Variants in SGCZ observed in about 807,000 individuals in gnomAD.
SGCZ encodes the protein sarcoglycan zeta.
In SGCZ, 40 loss-of-function variants were observed where a neutral mutation model predicts 41.3. That is an observed-to-expected ratio of 0.97 (90% CI 0.75 to 1.26). The LOEUF (loss-of-function observed/expected upper bound fraction) is 1.26. Among genes scored for constraint, SGCZ ranks in the 50% most tolerant of loss-of-function variants. SGCZ has a pLI of 0.00. For missense variants in SGCZ, 552 were observed against 369.8 expected, an observed-to-expected ratio of 1.49 and a Z score of -4.04; for synonymous variants, 206 against 137.5, an observed-to-expected ratio of 1.50 and a Z score of -3.49.
intron 1 of SGCZ, among the ~76,000 whole-genome samples, chr8:15,112,027 G>C (rs1287609728): frequency 6.6e-6 from 1 of 152,124 alleles, no homozygotes; most frequent in Non-Finnish European, 1.5e-5. Context: ...CTCAAGGCCT[G>C]CCTTCTGGTA....
intron 1 of SGCZ, among the ~76,000 whole-genome samples, chr8:15,215,985 C>A (rs1801386508): frequency 6.6e-6 from 1 of 152,106 alleles, no homozygotes; most frequent in South Asian, 2.1e-4. Flanking sequence ...CTGACACTTT[C>A]CTCATCAACA....
At chr8:14,238,725 A>G (rs1046153927) in intron 3 of SGCZ, among the ~76,000 whole-genome samples, 1 of 152,104 alleles carries the variant, frequency 6.6e-6, no homozygotes, top group Non-Finnish European at 1.5e-5. Context: ...TTGCATACTC[A>G]TTATGTACAA....
At chr8:14,927,233 G>A (rs28608986) in intron 1 of SGCZ, among the ~76,000 whole-genome samples, 18,469 of 150,558 alleles carry the variant, frequency 0.12, 1,280 homozygotes, top group African/African-American at 0.19. Flanking sequence ...CTCACCCTCC[G>A]GAGCAGCTGG....
chr8:14,846,709 A>C (rs1320405721), intron 1 of SGCZ, among the ~76,000 whole-genome samples: 1,023 of 69,810 alleles, frequency 0.015, 14 homozygotes, highest in African/African-American at 0.028. Context: ...AATCCAAAAA[A>C]AAAAAAAAAA....
intron 1 of SGCZ, among the ~76,000 whole-genome samples, chr8:14,691,545 C>A (rs1245821547): frequency 2.6e-5 from 4 of 151,834 alleles, no homozygotes; most frequent in Non-Finnish European, 4.4e-5. Context: ...AAATATTTTG[C>A]AATCATAGGC....
intron 1 of SGCZ, among the ~76,000 whole-genome samples, chr8:14,971,566 T>C (rs1264932165): frequency 6.6e-6 from 1 of 151,990 alleles, no homozygotes; most frequent in Admixed American, 6.6e-5. Context: ...ATTACGTAGA[T>C]TGGTTTGAAA....
chr8:14,388,033 C>T lies in SGCZ; in HGVS notation c.235-63829G>A, dbSNP rs550818123. 9.1e-4 allele frequency among the ~76,000 whole-genome samples: 138 copies of T among 152,178 alleles called. 1 individual carries two copies. Among genetic ancestry groups the T allele is most frequent in the Middle Eastern group, 6.8e-3 (2 of 294 alleles). On this transcript the variant is annotated intron_variant, in intron 2 of 7. Transcript: ENST00000382080. ...ATTGTAAGAAAAACACACAAGGTGA[C>T]TGTGCAGTATGGTCTTTAGTAGGAG...
intron 1 of SGCZ, among the ~76,000 whole-genome samples, chr8:15,165,289 C>G (rs974600908): frequency 3.3e-5 from 5 of 151,712 alleles, no homozygotes; most frequent in African/African-American, 1.2e-4. Flanking sequence ...CTCTGTCCTC[C>G]CCGCCCCCAC....
Position 14,589,720 on chromosome 8 carries a change from T to G in SGCZ, c.40-34794A>C, listed in dbSNP as rs564086955. 3.3e-5 allele frequency among the ~76,000 whole-genome samples: 5 copies of G among 152,310 alleles called. No individual in the cohort carries two copies. The South Asian group carries it at 1.0e-3, about 32-fold the overall frequency. ...TGGACTACAACCCTGTAAATATTCT[T>G]AAGAAATTACAGTAAAAGAAAAACA... is the stretch of plus-strand genomic sequence containing the variant. On this transcript the variant is annotated intron_variant, in intron 1 of 7. Coordinates refer to ENST00000382080, the MANE Select transcript of SGCZ (RefSeq NM_139167.4).
intron 4 of SGCZ, among the ~76,000 whole-genome samples, chr8:14,225,905 T>A (rs117184853): frequency 1.3e-5 from 2 of 152,112 alleles, no homozygotes; most frequent in African/African-American, 4.8e-5. Flanking sequence ...TTATTATACA[T>A]TTTATGATAC....
intron 3 of SGCZ, among the ~76,000 whole-genome samples, chr8:14,267,512 G>A (rs887958303): frequency 1.3e-5 from 2 of 151,956 alleles, no homozygotes; most frequent in Non-Finnish European, 2.9e-5. Context: ...CATTTTTATT[G>A]TTTATTGTTT....
rs573934671 is a variant in SGCZ at position 14,100,423 on chromosome 8, T to C, written c.744+1953A>G. Among the ~76,000 whole-genome samples, 67 of 150,660 alleles carry C rather than the reference T, an allele frequency of 4.4e-4. 1 individual carries two copies. The East Asian group carries it at 0.011, about 24-fold the overall frequency. On this transcript the variant is annotated intron_variant, in intron 7 of 7. Transcript: ENST00000382080. Reference sequence around the variant, plus strand: ...TATCAAAGCAACTCTTTAAAAAGAATGCAAGATGTTTAAGAAAGACTTCCG... The same window carrying C: ...TATCAAAGCAACTCTTTAAAAAGAACGCAAGATGTTTAAGAAAGACTTCCG...
chr8:14,534,356 T>C (rs1279813143), intron 2 of SGCZ, among the ~76,000 whole-genome samples: 1 of 152,032 alleles, frequency 6.6e-6, no homozygotes, highest in Non-Finnish European at 1.5e-5. Flanking sequence ...TCTCTGAAAC[T>C]TTTAATACAT....
intron 2 of SGCZ, among the ~76,000 whole-genome samples, chr8:14,421,592 G>A (rs761933604): frequency 3.9e-5 from 6 of 152,058 alleles, no homozygotes; most frequent in Non-Finnish European, 5.9e-5. Flanking sequence ...GTGGAATGCT[G>A]AGAAAAATAT....
chr8:15,221,381 A>G (rs911780364), intron 1 of SGCZ, among the ~76,000 whole-genome samples: 1 of 152,184 alleles, frequency 6.6e-6, no homozygotes, highest in African/African-American at 2.4e-5. Context: ...GGGATCCTAG[A>G]AAGAACAGAA....
intron 4 of SGCZ, among the ~76,000 whole-genome samples, chr8:14,220,514 A>T (rs550909887): frequency 1.3e-5 from 2 of 152,084 alleles, no homozygotes; most frequent in Admixed American, 1.3e-4. Flanking sequence ...CACTTTGTAA[A>T]AATCCCTCAG....
intron 2 of SGCZ, among the ~76,000 whole-genome samples, chr8:14,344,914 G>A (rs1802842299): frequency 6.6e-6 from 1 of 152,004 alleles, no homozygotes; most frequent in South Asian, 2.1e-4. Context: ...GGTTTCTAAT[G>A]ATAGTGGATT....
rs188611928 is a variant in SGCZ, at chr8:14,314,356, T to G, written c.336+9747A>C. Reference sequence around the variant, plus strand: ...CTCATACTTTCTTCTAAGGTTGCAGTCCAGCATTCAACCAATATAAATCAA... The same window carrying G: ...CTCATACTTTCTTCTAAGGTTGCAGGCCAGCATTCAACCAATATAAATCAA... On this transcript the variant is annotated intron_variant, in intron 3 of 7. Transcript: ENST00000382080. Among the ~76,000 whole-genome samples the G allele has an allele frequency of 2.9e-3, 440 of 152,200 alleles. 3 individuals carry two copies. Among genetic ancestry groups the G allele is most frequent in the African/African-American group, 0.01 (418 of 41,538 alleles).
chr8:14,780,771 T>A (rs1800565128), intron 1 of SGCZ, among the ~76,000 whole-genome samples: 1 of 152,214 alleles, frequency 6.6e-6, no homozygotes, highest in Admixed American at 6.5e-5. Flanking sequence ...AATATTTTTA[T>A]CCACTCTGTT....
Sources: allele counts gnomAD v4.1 joint callset (sites outside exome capture counted in the v4.1 genomes callset), GRCh38; gene constraint gnomAD v4.1.1; transcripts MANE v1.5; gene names NCBI Gene and HGNC (gene_info 2026-07-23, HGNC 2026-07-21).